The following NRG3 variants were observed in gnomAD, a reference collection of about 807,000 sequenced individuals.
NRG3 encodes pro-neuregulin-3, membrane-bound isoform.
A neutral mutation model predicts 66.9 loss-of-function variants in NRG3; 31 were observed. The observed-to-expected ratio is 0.46, with a 90% CI of 0.35 to 0.63. The LOEUF (loss-of-function observed/expected upper bound fraction) is 0.63, where lower values mean the gene tolerates loss of function less well. Among genes scored for constraint, NRG3 ranks in the 20% least tolerant of loss-of-function variants. NRG3 has a pLI of 0.00. For synonymous variants in NRG3, 393 were observed against 359.4 expected, an observed-to-expected ratio of 1.09 and a Z score of -1.06; for missense variants, 910 against 878.9, an observed-to-expected ratio of 1.04 and a Z score of -0.45.
intron 1 of NRG3, among the ~76,000 whole-genome samples, chr10:82,315,588 G>A (rs1485521835): frequency 6.6e-6 from 1 of 151,890 alleles, no homozygotes; most frequent in Non-Finnish European, 1.5e-5. Context: ...GAACATGGGT[G>A]CATTCTGCTA....
At chr10:82,902,417 A>G (rs769212142) in intron 4 of NRG3, among the ~76,000 whole-genome samples, 1 of 152,172 alleles carries the variant, frequency 6.6e-6, no homozygotes, top group Non-Finnish European at 1.5e-5. Context: ...TCTATATTAA[A>G]GAAAGACGTA....
Position 82,844,685 on chromosome 10 carries a change from T to TTC in NRG3, c.1028-20725_1028-20724insCT, listed in dbSNP as rs564376528. Reference sequence around the variant, plus strand: ...GCCTCTACAATCTTTTTTTTTTTTTTTTCCAAATAAGAAGCTGTATTTGTG... The same window carrying TTC: ...GCCTCTACAATCTTTTTTTTTTTTTTTCTTCCAAATAAGAAGCTGTATTTGTG... On this transcript the variant is annotated intron_variant, in intron 3 of 8. Transcript: ENST00000372141. 2.1e-3 allele frequency among the ~76,000 whole-genome samples: 318 copies of TTC among 152,040 alleles called. 1 individual carries two copies. Among genetic ancestry groups the TTC allele is most frequent in the African/African-American group, 7.4e-3 (305 of 41,478 alleles).
chr10:82,866,951 A>G (rs2135957842), intron 4 of NRG3, among the ~76,000 whole-genome samples: 1 of 152,320 alleles, frequency 6.6e-6, no homozygotes, highest in Non-Finnish European at 1.5e-5. Context: ...CCAGTTACTC[A>G]TGATAATGCT....
At chr10:82,413,130 G>A (rs1011484940) in intron 2 of NRG3, among the ~76,000 whole-genome samples, 11 of 152,228 alleles carry the variant, frequency 7.2e-5, no homozygotes, top group Non-Finnish European at 1.3e-4. Flanking sequence ...TTTCCAGAAG[G>A]TTTTCAATTT....
At chr10:82,418,405 C>T (rs1025167911) in intron 2 of NRG3, among the ~76,000 whole-genome samples, 16 of 145,224 alleles carry the variant, frequency 1.1e-4, no homozygotes, top group African/African-American at 3.9e-4. Context: ...AATGTTTATG[C>T]AAATTAACCA....
chr10:82,100,981 T>A (rs1206944023), intron 1 of NRG3, among the ~76,000 whole-genome samples: 1 of 152,150 alleles, frequency 6.6e-6, no homozygotes, highest in East Asian at 1.9e-4. Flanking sequence ...TCTGGAGTTT[T>A]ATTTGTTGGA....
At chr10:82,319,427 G>C (rs974478677) in intron 1 of NRG3, among the ~76,000 whole-genome samples, 6 of 152,180 alleles carry the variant, frequency 3.9e-5, no homozygotes, top group African/African-American at 1.4e-4. Flanking sequence ...AAATTCCGCC[G>C]AAAGGCAAAT....
At chr10:82,862,096 G>A (rs183797043) in intron 3 of NRG3, among the ~76,000 whole-genome samples, 221 of 152,240 alleles carry the variant, frequency 1.5e-3, no homozygotes, top group Middle Eastern at 6.8e-3. Context: ...GTAAAGCTCA[G>A]TGGGCCACTT....
At chr10:82,547,128 T>G (rs2043969240) in intron 2 of NRG3, among the ~76,000 whole-genome samples, 1 of 152,126 alleles carries the variant, frequency 6.6e-6, no homozygotes, top group Admixed American at 6.6e-5. Flanking sequence ...ATTCGTAAAA[T>G]TATTATATGG....
intron 4 of NRG3, among the ~76,000 whole-genome samples, chr10:82,884,464 G>A (rs987189185): frequency 1.3e-5 from 2 of 152,076 alleles, no homozygotes; most frequent in African/African-American, 4.8e-5. Context: ...TCACCTTTCT[G>A]TTTTGCCTGA....
intron 1 of NRG3, among the ~76,000 whole-genome samples, chr10:82,063,259 T>A (rs1564783618): frequency 6.6e-6 from 1 of 152,052 alleles, no homozygotes; most frequent in East Asian, 1.9e-4. Context: ...AGGTTTATCA[T>A]CATTTTACAG....
At chr10:82,117,831 A>G (rs1353391591) in intron 1 of NRG3, among the ~76,000 whole-genome samples, 2 of 152,152 alleles carry the variant, frequency 1.3e-5, no homozygotes, top group Non-Finnish European at 2.9e-5. Flanking sequence ...TTTTGTCTGC[A>G]TGTCTGCACC....
intron 1 of NRG3, among the ~76,000 whole-genome samples, chr10:82,172,861 A>G (rs2133120307): frequency 6.6e-6 from 1 of 152,174 alleles, no homozygotes; most frequent in South Asian, 2.1e-4. Context: ...CATCATTCCC[A>G]ACAAAAGCAA....
At position 82,762,278 on chromosome 10, in the gene NRG3, A is replaced by C. The variant is rs2059359704; in HGVS notation, c.1027+23628A>C. ...GCTGGGATTACAGGCATGAGCCACCACACCCAGCCACAAATAGAAATTTTC... is the reference window on the plus strand; with the variant it reads ...GCTGGGATTACAGGCATGAGCCACCCCACCCAGCCACAAATAGAAATTTTC... On this transcript the variant is annotated intron_variant, in intron 3 of 8. Coordinates refer to ENST00000372141, the MANE Select transcript of NRG3 (RefSeq NM_001010848.4). Among the ~76,000 whole-genome samples the C allele has an allele frequency of 2.0e-5, 3 of 152,184 alleles. No individual in the cohort carries two copies. In the South Asian group the frequency reaches 6.2e-4, roughly 32 times the overall value.
chr10:82,236,359 G>A (rs1407547235), intron 1 of NRG3, among the ~76,000 whole-genome samples: 1 of 152,148 alleles, frequency 6.6e-6, no homozygotes, highest in Non-Finnish European at 1.5e-5. Flanking sequence ...ACTCCAAAAT[G>A]CTGAGGGAAA....
At chr10:82,666,988 A>G (rs2052841442) in intron 2 of NRG3, among the ~76,000 whole-genome samples, 1 of 152,168 alleles carries the variant, frequency 6.6e-6, no homozygotes, top group African/African-American at 2.4e-5. Flanking sequence ...CACAAACCTC[A>G]TTTCCATCTT....
At chr10:82,042,971 G>A (rs114998582) in intron 1 of NRG3, among the ~76,000 whole-genome samples, 269 of 152,094 alleles carry the variant, frequency 1.8e-3, no homozygotes, top group African/African-American at 6.1e-3. Context: ...AAGAGGACAT[G>A]AAATTTTGGC....
chr10:82,473,462 C>A (rs1014492715), intron 2 of NRG3, among the ~76,000 whole-genome samples: 2 of 151,416 alleles, frequency 1.3e-5, no homozygotes, highest in African/African-American at 4.9e-5. Context: ...AACATGAAAA[C>A]AAACAAACAA....
At chr10:81,948,007 C>T (rs1417230979) in intron 1 of NRG3, among the ~76,000 whole-genome samples, 1 of 152,122 alleles carries the variant, frequency 6.6e-6, no homozygotes, top group Non-Finnish European at 1.5e-5. Context: ...GAGTGCTCAA[C>T]ACATGGTAAG....
Sources: gnomAD v4.1 joint callset for allele counts (sites outside exome capture counted in the v4.1 genomes callset) on GRCh38, gnomAD v4.1.1 for gene constraint, MANE v1.5 for transcripts, NCBI Gene and HGNC (gene_info 2026-07-23, HGNC 2026-07-21) for gene names.